Variants in PCCA observed in about 807,000 individuals in gnomAD.
The protein encoded by PCCA is propionyl-CoA carboxylase subunit alpha, also known as propionyl-CoA carboxylase alpha chain, mitochondrial.
In PCCA, 74 loss-of-function variants were observed where a neutral mutation model predicts 101.3. The ratio of observed to expected loss-of-function variants is 0.73; its 90% confidence interval spans 0.61 to 0.89. The LOEUF is 0.89. Among genes scored for constraint, PCCA ranks in the 40% least tolerant of loss-of-function variants. The probability of loss-of-function intolerance (pLI) is 0.00; values close to 1 mark genes in which losing one functional copy is unlikely to be tolerated. For missense variants in PCCA, 891 were observed against 907.0 expected, an observed-to-expected ratio of 0.98 and a Z score of 0.23; for synonymous variants, 294 against 313.6, an observed-to-expected ratio of 0.94 and a Z score of 0.66.
At chr13:100,135,932 A>G (rs1214265413) in intron 4 of PCCA, among the ~76,000 whole-genome samples, 1 of 152,032 alleles carries the variant, frequency 6.6e-6, no homozygotes, top group Non-Finnish European at 1.5e-5. Flanking sequence ...TGATTGTAAT[A>G]TGCTATTTTA....
chr13:100,456,010 G>A (rs906663389), intron 21 of PCCA, among the ~76,000 whole-genome samples: 11 of 152,126 alleles, frequency 7.2e-5, no homozygotes, highest in African/African-American at 2.7e-4. Flanking sequence ...ATATGCAATA[G>A]TTTCTTTAGG....
intron 16 of PCCA, among the ~76,000 whole-genome samples, chr13:100,328,850 C>T (rs986966413): frequency 1.1e-4 from 17 of 151,558 alleles, no homozygotes; most frequent in Admixed American, 2.0e-4. Context: ...CCTGCCACCA[C>T]GCCCAGCTAA....
chr13:100,152,307 G>GT (rs1416311206), intron 4 of PCCA, among the ~76,000 whole-genome samples: 1 of 149,680 alleles, frequency 6.7e-6, no homozygotes, highest in Non-Finnish European at 1.5e-5. Flanking sequence ...GTCCATAGCA[G>GT]TTTTGACCTG....
intron 11 of PCCA, among the ~76,000 whole-genome samples, chr13:100,272,267 CTG>C (rs1020008499): frequency 1.4e-4 from 21 of 152,116 alleles, no homozygotes; most frequent in African/African-American, 4.1e-4. Context: ...TTAGTGAACA[CTG>C]AATAATTTCC....
rs539553460 is a variant in PCCA, at chr13:100,320,719, T to C, written c.1430-9842T>C. Among the ~76,000 whole-genome samples, 199 of 152,242 alleles carry C rather than the reference T, an allele frequency of 1.3e-3. 1 individual carries two copies. The highest frequency in any genetic ancestry group is 4.2e-3 in the African/African-American group (174 of 41,550). On this transcript the variant is annotated intron_variant, in intron 16 of 23. Coordinates refer to ENST00000376285, the MANE Select transcript of PCCA (RefSeq NM_000282.4). ...AAGCTTTTTGATGTGCTGCTGGATTTGGTTTGCCAGTATTTTATTGAGGAT... is the reference window on the plus strand; with the variant it reads ...AAGCTTTTTGATGTGCTGCTGGATTCGGTTTGCCAGTATTTTATTGAGGAT...
intron 18 of PCCA, among the ~76,000 whole-genome samples, chr13:100,352,368 T>C (rs2073372097): frequency 6.6e-6 from 1 of 151,668 alleles, no homozygotes; most frequent in Non-Finnish European, 1.5e-5. Context: ...AGTATTTTAT[T>C]ACTAATAATG....
In PCCA at chr13:100,264,673, T is replaced by G. The variant is rs573089757; in HGVS notation, c.819+1842T>G. On this transcript the variant is annotated intron_variant, in intron 10 of 23. Coordinates refer to ENST00000376285, the MANE Select transcript of PCCA (RefSeq NM_000282.4). The stretch of plus-strand genomic sequence containing the variant: ...GTTTTTAGTTTCTTTATATTAGAAA[T>G]AAATTGCTGTGTCTTTTTATGAACA... Among the ~76,000 whole-genome samples the G allele has an allele frequency of 2.6e-5, 4 of 152,268 alleles. No individual in the cohort carries two copies. In the East Asian group the frequency reaches 7.7e-4, roughly 29 times the overall value.
rs550921757 is a variant in PCCA, at chr13:100,214,434, T to TG, written c.600+4971_600+4972insG. Among the ~76,000 whole-genome samples the TG allele has an allele frequency of 2.0e-3, 293 of 144,988 alleles. 9 individuals are homozygous for TG. In the South Asian group the frequency reaches 0.035, roughly 17 times the overall value. ...GTTTTTTTGTGTGTGTGTGTGTGTG[T>TG]TTTTTTTTTTAGATGGAACCTCGCT... is the stretch of plus-strand genomic sequence containing the variant. On this transcript the variant is annotated intron_variant, in intron 7 of 23. Coordinates refer to ENST00000376285, the MANE Select transcript of PCCA (RefSeq NM_000282.4).
At chr13:100,281,022 G>GA (rs919065284) in intron 12 of PCCA, among the ~76,000 whole-genome samples, 6 of 150,898 alleles carry the variant, frequency 4.0e-5, no homozygotes, top group South Asian at 2.1e-4. Flanking sequence ...AAAACAGAAG[G>GA]AAAAAAAAAT....
chr13:100,216,693 G>GA (rs2059543022), intron 7 of PCCA, among the ~76,000 whole-genome samples: 2 of 152,112 alleles, frequency 1.3e-5, no homozygotes, highest in African/African-American at 2.4e-5. Flanking sequence ...AAAACCAAGA[G>GA]AAAAAATTAA....
intron 5 of PCCA, among the ~76,000 whole-genome samples, chr13:100,155,522 A>G (rs2053789084): frequency 6.6e-6 from 1 of 152,256 alleles, no homozygotes; most frequent in Non-Finnish European, 1.5e-5. Context: ...AAATAAAAAC[A>G]GCACATTTGG....
intron 22 of PCCA, among the ~76,000 whole-genome samples, chr13:100,523,623 T>A (rs892285783): frequency 2.0e-5 from 3 of 152,198 alleles, no homozygotes; most frequent in African/African-American, 7.2e-5. Context: ...CAAGGCCGAC[T>A]CCTGCTTAAT....
chr13:100,106,277 G>A (rs192129688), intron 2 of PCCA, among the ~76,000 whole-genome samples: 1 of 152,308 alleles, frequency 6.6e-6, no homozygotes, highest in East Asian at 1.9e-4. Context: ...TGTGTGGACA[G>A]AGTTTGGTCT....
At chr13:100,519,596 G>A (rs548943844) in intron 22 of PCCA, among the ~76,000 whole-genome samples, 67 of 152,328 alleles carry the variant, frequency 4.4e-4, no homozygotes, top group African/African-American at 1.6e-3. Flanking sequence ...TCCCAAGCAG[G>A]TGTGCAGTCA....
intron 4 of PCCA, among the ~76,000 whole-genome samples, chr13:100,113,479 A>G (rs1400850052): frequency 2.0e-5 from 3 of 152,218 alleles, no homozygotes; most frequent in East Asian, 1.9e-4. Context: ...CGACATTTAT[A>G]GAAAAATAGT....
At chr13:100,525,245 ACT>A (rs1404273780) in intron 22 of PCCA, among the ~76,000 whole-genome samples, 2 of 151,968 alleles carry the variant, frequency 1.3e-5, no homozygotes, top group Non-Finnish European at 2.9e-5. Flanking sequence ...GAATTGCCGG[ACT>A]CTCACAATCA....
At chr13:100,109,154 A>G (rs1304342910) in intron 2 of PCCA, among the ~76,000 whole-genome samples, 1 of 152,260 alleles carries the variant, frequency 6.6e-6, no homozygotes, top group African/African-American at 2.4e-5. Flanking sequence ...GAATGAGTAT[A>G]TATTACATGC....
rs531801685 is a variant in PCCA, at chr13:100,205,946, A to T, written c.469-3386A>T. Among the ~76,000 whole-genome samples the T allele has an allele frequency of 2.0e-5, 3 of 152,172 alleles. No homozygotes were observed. In the South Asian group the frequency reaches 6.2e-4, roughly 32 times the overall value. On this transcript the variant is annotated intron_variant, in intron 6 of 23. Coordinates refer to ENST00000376285, the MANE Select transcript of PCCA (RefSeq NM_000282.4). ...TTATTGTCCTGGTCCGAAATGATTC[A>T]TGTATCCACCTGGAGACGTAGAGTT...
chr13:100,488,690 C>T (rs1406573998), intron 21 of PCCA, among the ~76,000 whole-genome samples: 1 of 149,546 alleles, frequency 6.7e-6, no homozygotes, highest in African/African-American at 2.5e-5. Context: ...ACCTATAATC[C>T]AGCTACTCAG....
Sources: allele counts gnomAD v4.1 joint callset (sites outside exome capture counted in the v4.1 genomes callset), GRCh38; gene constraint gnomAD v4.1.1; transcripts MANE v1.5; gene names NCBI Gene and HGNC (gene_info 2026-07-23, HGNC 2026-07-21).